HIKESHI: variants seen among roughly 807,000 people sequenced by gnomAD.
HIKESHI encodes protein Hikeshi.
In HIKESHI, 13 loss-of-function variants were observed where a neutral mutation model predicts 25.7. The observed-to-expected ratio is 0.51, with a 90% CI of 0.33 to 0.80. The LOEUF (loss-of-function observed/expected upper bound fraction) is 0.80, where lower values mean the gene tolerates loss of function less well. HIKESHI is among the 30% of genes least tolerant of loss of function. HIKESHI has a pLI of 0.02. For missense variants in HIKESHI, 174 were observed against 229.5 expected (o/e 0.76, Z 1.56); for synonymous variants, 76 against 78.7 (o/e 0.97, Z 0.18).
chr11:86,328,906 TTGTGTGTGTGTG>T (rs139954147), intron 2 of HIKESHI, among the ~76,000 whole-genome samples: 2 of 145,216 alleles, frequency 1.4e-5, no homozygotes, highest in Non-Finnish European at 3.0e-5. Context: ...GTTTTGTGTT[TTGTGTGTGTGTG>T]TGTGTGTGTG....
intron 2 of HIKESHI, among the ~76,000 whole-genome samples, chr11:86,336,925 T>C (rs1220594513): frequency 1.3e-5 from 2 of 151,836 alleles, no homozygotes; most frequent in Admixed American, 1.3e-4. Context: ...GATTGGCATA[T>C]TCAGAGTTCT....
intron 2 of HIKESHI, among the ~76,000 whole-genome samples, chr11:86,331,085 G>A (rs1947410649): frequency 6.6e-6 from 1 of 152,028 alleles, no homozygotes; most frequent in South Asian, 2.1e-4. Flanking sequence ...TCTTTTTAGG[G>A]ATAATGTACA....
chr11:86,303,313 T>TC, intron 1 of HIKESHI: 1 of 701,808 alleles, frequency 1.4e-6, no homozygotes, highest in Middle Eastern at 7.3e-4. Context: ...TGTCTTTTTT[T>TC]CCCATCAAGT....
intron 2 of HIKESHI, among the ~76,000 whole-genome samples, chr11:86,320,877 C>G (rs1372294388): frequency 6.6e-6 from 1 of 152,052 alleles, no homozygotes; most frequent in African/African-American, 2.4e-5. Flanking sequence ...TTTTTTTACT[C>G]AGAATAATTA....
intron 2 of HIKESHI, among the ~76,000 whole-genome samples, chr11:86,334,752 G>A (rs1282896609): frequency 1.3e-5 from 2 of 152,026 alleles, no homozygotes; most frequent in South Asian, 4.2e-4. Flanking sequence ...AGGCCTAAGC[G>A]ATCCTCCCAC....
In HIKESHI at chr11:86,327,530, G is replaced by A. The variant is rs367691060; in HGVS notation, c.269-9849G>A. ...GGGGTTTCGCCTTCTTAGCCAGGATGGTCTCGATCTCCTGACCTCGTGATC... is the reference window on the plus strand; with the variant it reads ...GGGGTTTCGCCTTCTTAGCCAGGATAGTCTCGATCTCCTGACCTCGTGATC... On this transcript the variant is annotated intron_variant, in intron 2 of 4. Transcript: ENST00000278483. Among the ~76,000 whole-genome samples, 53 of 152,154 alleles carry A rather than the reference G, an allele frequency of 3.5e-4. 1 individual carries two copies. In the South Asian group the frequency reaches 0.011, roughly 32 times the overall value.
intron 2 of HIKESHI, among the ~76,000 whole-genome samples, chr11:86,319,447 G>A (rs954331873): frequency 1.3e-5 from 2 of 149,732 alleles, no homozygotes; most frequent in Non-Finnish European, 3.0e-5. Context: ...TGTAGAGATG[G>A]GGTTTTGCCA....
At chr11:86,316,029 C>G (rs901612312) in intron 2 of HIKESHI, among the ~76,000 whole-genome samples, 19 of 149,038 alleles carry the variant, frequency 1.3e-4, no homozygotes, top group African/African-American at 4.7e-4. Flanking sequence ...CTAATAGTCG[C>G]AGCTACTCAG....
rs1042315196 is a variant in HIKESHI at position 86,327,538 on chromosome 11, TCTC to T, written c.269-9838_269-9836del. Among the ~76,000 whole-genome samples the T allele has an allele frequency of 1.1e-4, 16 of 152,210 alleles. 1 individual carries two copies. The highest frequency in any genetic ancestry group is 7.2e-4 in the Admixed American group (11 of 15,302). ...GCCTTCTTAGCCAGGATGGTCTCGATCTCCTGACCTCGTGATCCACTCGCCTTG... is the reference window on the plus strand; with the variant it reads ...GCCTTCTTAGCCAGGATGGTCTCGATCTGACCTCGTGATCCACTCGCCTTG... On this transcript the variant is annotated intron_variant, in intron 2 of 4. Transcript: ENST00000278483.
chr11:86,316,216 A>G (rs946841739), intron 2 of HIKESHI, among the ~76,000 whole-genome samples: 3 of 151,852 alleles, frequency 2.0e-5, no homozygotes, highest in African/African-American at 7.3e-5. Context: ...GGAAAAGAGG[A>G]AAAAGAAAAG....
chr11:86,337,802 C>T (rs1947611507), intron 3 of HIKESHI, among the ~76,000 whole-genome samples: 1 of 152,036 alleles, frequency 6.6e-6, no homozygotes, highest in Admixed American at 6.5e-5. Context: ...GGACTACAGG[C>T]ACATGTCACC....
At chr11:86,310,560 C>G (rs1303946513) in intron 2 of HIKESHI, among the ~76,000 whole-genome samples, 1 of 152,164 alleles carries the variant, frequency 6.6e-6, no homozygotes, top group African/African-American at 2.4e-5. Context: ...TTATTTCTTT[C>G]TTTTGCCTGA....
At chr11:86,312,078 G>A (rs1593816789) in intron 2 of HIKESHI, among the ~76,000 whole-genome samples, 1 of 152,168 alleles carries the variant, frequency 6.6e-6, no homozygotes, top group East Asian at 1.9e-4. Context: ...TATTAGGTCT[G>A]CTTGGTGCAG....
At chr11:86,318,033 A>G (rs751281572) in intron 2 of HIKESHI, among the ~76,000 whole-genome samples, 61 of 151,964 alleles carry the variant, frequency 4.0e-4, no homozygotes, top group Admixed American at 2.6e-3. Flanking sequence ...GGCCGGGTGC[A>G]GTGGCTCACG....
At chr11:86,345,469 T>A (rs1947847856) in intron 4 of HIKESHI, 115 bp from the exon 5 acceptor site, 3 of 633,888 alleles carry the variant, frequency 4.7e-6, no homozygotes, top group Non-Finnish European at 8.2e-6. Context: ...TTTAGATTTT[T>A]TATAGCTTTT....
intron 1 of HIKESHI, 46 bp from the exon 2 acceptor site, chr11:86,306,199 G>A (rs750485678): frequency 7.8e-7 from 1 of 1,278,944 alleles, no homozygotes; most frequent in Non-Finnish European, 1.1e-6. Flanking sequence ...AAGAGTTACA[G>A]AAACTCATAG....
chr11:86,317,949 T>C lies in HIKESHI; in HGVS notation c.268+11467T>C, dbSNP rs185097799. Among the ~76,000 whole-genome samples, 36 of 152,198 alleles carry C rather than the reference T, an allele frequency of 2.4e-4. No individual in the cohort carries two copies. In the East Asian group the frequency reaches 5.0e-3, roughly 21 times the overall value. ...TGAAATGACATAGGAACAGACAAAA[T>C]TGGCTATTTTCTAGAAGAATATACC... is the stretch of plus-strand genomic sequence containing the variant. On this transcript the variant is annotated intron_variant, in intron 2 of 4. Transcript: ENST00000278483.
chr11:86,325,193 A>C (rs754057675), intron 2 of HIKESHI, among the ~76,000 whole-genome samples: 9 of 152,086 alleles, frequency 5.9e-5, no homozygotes, highest in Non-Finnish European at 8.8e-5. Context: ...AAAAGGAAAA[A>C]AAAAAGAGAA....
At chr11:86,309,409 TG>T (rs1264595261) in intron 2 of HIKESHI, among the ~76,000 whole-genome samples, 3 of 152,224 alleles carry the variant, frequency 2.0e-5, no homozygotes, top group Non-Finnish European at 4.4e-5. Context: ...CACTTTTTGA[TG>T]GGGCTGTTTG....
Sources: allele counts gnomAD v4.1 joint callset (sites outside exome capture counted in the v4.1 genomes callset), GRCh38; gene constraint gnomAD v4.1.1; transcripts MANE v1.5; gene names NCBI Gene and HGNC (gene_info 2026-07-23, HGNC 2026-07-21).